The following ZNF641 variants were observed in gnomAD, a reference collection of about 807,000 sequenced individuals.
The protein encoded by ZNF641 is zinc finger protein 641.
In ZNF641, 26 loss-of-function variants were observed where a neutral mutation model predicts 46.2. The observed-to-expected ratio is 0.56, with a 90% CI of 0.41 to 0.78. ZNF641 has a LOEUF of 0.78. Ranked by LOEUF, ZNF641 falls within the 30% of genes least tolerant of loss-of-function variation. ZNF641 has a pLI of 0.00. For synonymous variants in ZNF641, 163 were observed against 187.9 expected (o/e 0.87, Z 1.09); for missense variants, 469 against 517.8 (o/e 0.91, Z 0.91).
rs1246934341 is a variant in ZNF641 at position 48,339,767 on chromosome 12, C to T, written c.*3206G>A. On this transcript the variant is annotated 3_prime_UTR_variant, in exon 6 of 6. Coordinates refer to ENST00000547026, the MANE Select transcript of ZNF641 (RefSeq NM_001172681.2). ...GGAGGAATTTTGTCCCAAATTATCA[C>T]CTCTTTGGTTCTCTGAAGCCATAAC... 4.5e-6 allele frequency: 1 copy of T among 220,858 alleles called. No homozygotes were observed. Among genetic ancestry groups the T allele is most frequent in the African/African-American group, 2.3e-5 (1 of 42,686 alleles). 13.7% of individuals were successfully genotyped at this position (220,858 alleles called of 1,614,324 possible).
chr12:48,348,885 G>A (rs1952954842), intron 1 of ZNF641, among the ~76,000 whole-genome samples: 1 of 152,196 alleles, frequency 6.6e-6, no homozygotes, highest in Non-Finnish European at 1.5e-5. Context: ...AAGAACTGCT[G>A]CTAACATGAC....
At position 48,339,514 on chromosome 12, in the gene ZNF641, T is replaced by C. The variant is rs1456068951; in HGVS notation, c.*3459A>G. 1 of 152,216 alleles carries C rather than the reference T, an allele frequency of 6.6e-6. No individual in the cohort carries two copies. Among genetic ancestry groups the C allele is most frequent in the Non-Finnish European group, 1.5e-5 (1 of 68,056 alleles). The allele number at this position is 152,216 out of a possible 1,614,324, so 9.4% of individuals were successfully genotyped here. A position where few individuals can be genotyped will look rare whatever the true frequency, so the allele number is the denominator to read the frequency against. ...AAATTTTGAGAGCCACAGTTTGGTA[T>C]GGCTCACAAGGGAAAAGAGGAAAAT... On this transcript the variant is annotated 3_prime_UTR_variant, in exon 6 of 6. Transcript: ENST00000547026.
rs571953532 is a variant in ZNF641, at chr12:48,341,030, A to G, written c.*1943T>C. On this transcript the variant is annotated 3_prime_UTR_variant, in exon 6 of 6. Transcript: ENST00000547026. ...TGAAGGAAGAAGGAAGGCTGCTCAC[A>G]GTAGCAGAAGGGAGGCAGGGGCCAA... 1.1e-4 allele frequency: 110 copies of G among 985,542 alleles called. 1 individual carries two copies. The African/African-American group carries it at 1.8e-3, about 16-fold the overall frequency. The allele number at this position is 985,542 out of a possible 1,614,324, so 61.0% of individuals were successfully genotyped here. A position where few individuals can be genotyped will look rare whatever the true frequency, so the allele number is the denominator to read the frequency against.
In ZNF641 at chr12:48,347,095, TCTTATGACCCCTTGGAAA is replaced by T. The variant is rs964123682; in HGVS notation, c.276+139_276+156del. 7 of 1,324,580 alleles carry T rather than the reference TCTTATGACCCCTTGGAAA, an allele frequency of 5.3e-6. No individual in the cohort carries two copies. In the African/African-American group the frequency reaches 1.0e-4, roughly 20 times the overall value. The allele number at this position is 1,324,580 out of a possible 1,614,324, so 82.1% of individuals were successfully genotyped here. A position where few individuals can be genotyped will look rare whatever the true frequency, so the allele number is the denominator to read the frequency against. On this transcript the variant is annotated intron_variant, in intron 3 of 5. Coordinates refer to ENST00000547026, the MANE Select transcript of ZNF641 (RefSeq NM_001172681.2). Reference sequence around the variant, plus strand: ...GTAGGTCCATTTAATTTTCCAAGGGTCTTATGACCCCTTGGAAAGGGATAGAATCTATTCAGTTATAAG... The same window carrying T: ...GTAGGTCCATTTAATTTTCCAAGGGTGGGATAGAATCTATTCAGTTATAAG...
At position 48,340,630 on chromosome 12, in the gene ZNF641, T is replaced by C. The variant is rs1440520138; in HGVS notation, c.*2343A>G. 1 of 985,320 alleles carries C rather than the reference T, an allele frequency of 1.0e-6. No individual in the cohort carries two copies. The highest frequency in any genetic ancestry group is 1.7e-5 in the African/African-American group (1 of 57,246). The allele number at this position is 985,320 out of a possible 1,614,324, so 61.0% of individuals were successfully genotyped here. On this transcript the variant is annotated 3_prime_UTR_variant, in exon 6 of 6. Transcript: ENST00000547026. ...TTTTAGATCGGGGAACTCCCTTTCT[T>C]TGAAGGCAGTTTAGGGATTCCACAG...
Position 48,348,109 on chromosome 12 carries a change from T to C in ZNF641, c.-19A>G, listed in dbSNP as rs368321823. On this transcript the variant is annotated 5_prime_UTR_variant, in exon 2 of 6. Coordinates refer to ENST00000547026, the MANE Select transcript of ZNF641 (RefSeq NM_001172681.2). ...AAAGCATTTCTGCTGCAGACCCAAA[T>C]TGTGACCTGGAACAAATTCATATCA... The C allele has an allele frequency of 1.0e-4, 166 of 1,614,070 alleles. 2 individuals are homozygous for C. The South Asian group carries it at 1.5e-3, about 15-fold the overall frequency.
rs1390047655 is a variant in ZNF641, at chr12:48,341,721, C to T, written c.*1252G>A. 1 of 985,354 alleles carries T rather than the reference C, an allele frequency of 1.0e-6. No individual in the cohort carries two copies. Among genetic ancestry groups the T allele is most frequent in the East Asian group, 1.1e-4 (1 of 8,834 alleles). The allele number at this position is 985,354 out of a possible 1,614,324, so 61.0% of individuals were successfully genotyped here. ...CACTCAATACAAAGTTTCTATGTGC[C>T]TCTTGCCTGAAATCAACAAGAAACA... On this transcript the variant is annotated 3_prime_UTR_variant, in exon 6 of 6. Transcript: ENST00000547026.
Position 48,341,651 on chromosome 12 carries a change from C to T in ZNF641, c.*1322G>A. The T allele has an allele frequency of 4.1e-6, 4 of 985,438 alleles. No individual in the cohort carries two copies. The South Asian group carries it at 1.4e-4, about 35-fold the overall frequency. The allele number at this position is 985,438 out of a possible 1,614,324, so 61.0% of individuals were successfully genotyped here. On this transcript the variant is annotated 3_prime_UTR_variant, in exon 6 of 6. Coordinates refer to ENST00000547026, the MANE Select transcript of ZNF641 (RefSeq NM_001172681.2). The stretch of plus-strand genomic sequence containing the variant: ...ACCAGTGATGGCAACAACTTGCAAA[C>T]ACGTAATTCCTGCCCTAATTTTCCA...
chr12:48,344,560 T>A (rs1237251562), intron 5 of ZNF641, 39 bp downstream of exon 5: 1 of 1,322,782 alleles, frequency 7.6e-7, no homozygotes. Context: ...TGTCCCGAAC[T>A]GTGAAGGAAG....
At chr12:48,347,033 C>T (rs1952890789) in intron 3 of ZNF641, 5 of 870,488 alleles carry the variant, frequency 5.7e-6, no homozygotes, top group South Asian at 4.4e-5. Context: ...CAAAACAAAA[C>T]TCAAAAAAAC....
In ZNF641 at chr12:48,346,193, C is replaced by T. The variant is rs148958317; in HGVS notation, c.277-719G>A. On this transcript the variant is annotated intron_variant, in intron 3 of 5. Coordinates refer to ENST00000547026, the MANE Select transcript of ZNF641 (RefSeq NM_001172681.2). ...TGCTGGGATTACAGGCATGAGCCAC[C>T]GTGCCTGGCCATATCTTTATATTTT... 1.5e-4 allele frequency among the ~76,000 whole-genome samples: 23 copies of T among 152,192 alleles called. No individual in the cohort carries two copies. In the East Asian group the frequency reaches 3.5e-3, roughly 23 times the overall value.
Position 48,343,226 on chromosome 12 carries a change from T to C in ZNF641, c.1022A>G (p.Glu341Gly). 1.2e-6 allele frequency: 2 copies of C among 1,614,258 alleles called. No individual in the cohort carries two copies. The highest frequency in any genetic ancestry group is 1.7e-6 in the Non-Finnish European group (2 of 1,180,042). The change falls in exon 6 of 6, where the codon GAG (glutamate) becomes GGG (glycine). Residue 341 changes from glutamate (E) to glycine (G), a missense_variant. This residue lies in a region of ZNF641 where 346 missense variants were observed against 354.0 expected (regional missense o/e 0.98). Coordinates refer to ENST00000547026, the MANE Select transcript of ZNF641 (RefSeq NM_001172681.2). ...GKSCKGQEVG[E>G]SPGTRKRQRA... Reference sequence around the variant, plus strand: ...CTGCCGTTTCCTTGTGCCAGGGCTCTCTCCAACCTCTTGGCCTTTGCAGGA... The same window carrying C: ...CTGCCGTTTCCTTGTGCCAGGGCTCCCTCCAACCTCTTGGCCTTTGCAGGA...
intron 1 of ZNF641, among the ~76,000 whole-genome samples, chr12:48,348,852 G>T (rs531081921): frequency 1.3e-5 from 2 of 152,292 alleles, no homozygotes; most frequent in South Asian, 4.1e-4. Flanking sequence ...GAAAGAGTTT[G>T]AACCAGAGCT....
rs1219849131 is a variant in ZNF641 at position 48,339,959 on chromosome 12, G to A, written c.*3014C>T. On this transcript the variant is annotated 3_prime_UTR_variant, in exon 6 of 6. Coordinates refer to ENST00000547026, the MANE Select transcript of ZNF641 (RefSeq NM_001172681.2). ...AGGGGAGGATACTCAGAATAGGGTG[G>A]AGGTACCAGATGGAAAAATGTGACA... The A allele has an allele frequency of 1.0e-6, 1 of 985,306 alleles. No homozygotes were observed. Among genetic ancestry groups the A allele is most frequent in the East Asian group, 1.1e-4 (1 of 8,832 alleles). 61.0% of individuals were successfully genotyped at this position (985,306 alleles called of 1,614,324 possible).
At chr12:48,345,319 T>C in intron 4 of ZNF641, 26 bp downstream of exon 4, 1 of 1,612,762 alleles carries the variant, frequency 6.2e-7, no homozygotes, top group East Asian at 2.2e-5. Flanking sequence ...TCCAATCTTC[T>C]AGTGGCTGGA....
In ZNF641 at chr12:48,339,927, G is replaced by A; in HGVS notation, c.*3046C>T. On this transcript the variant is annotated 3_prime_UTR_variant, in exon 6 of 6. Transcript: ENST00000547026. ...GATTCTTTGAAAGATACTATGTTGG[G>A]GTGGAAAGGGGAGGATACTCAGAAT... The A allele has an allele frequency of 1.0e-6, 1 of 985,042 alleles. No individual in the cohort carries two copies. The highest frequency in any genetic ancestry group is 4.7e-5 in the South Asian group (1 of 21,270). 61.0% of individuals were successfully genotyped at this position (985,042 alleles called of 1,614,324 possible).
chr12:48,343,928 A>T (rs1478018304), intron 5 of ZNF641, among the ~76,000 whole-genome samples: 1 of 152,238 alleles, frequency 6.6e-6, no homozygotes, highest in Non-Finnish European at 1.5e-5. Context: ...CAGATTACCT[A>T]AGATGGAATC....
At chr12:48,335,926 C>CT (rs1196652321), downstream of ZNF641, among the ~76,000 whole-genome samples, 1 of 152,206 alleles carries the variant, frequency 6.6e-6, no homozygotes, top group Admixed American at 6.5e-5. Context: ...CTTTGCTTTT[C>CT]TTTTACCTCA....
At position 48,342,373 on chromosome 12, in the gene ZNF641, C is replaced by T; in HGVS notation, c.*600G>A. 3 of 985,702 alleles carry T rather than the reference C, an allele frequency of 3.0e-6. No homozygotes were observed. Among genetic ancestry groups the T allele is most frequent in the Non-Finnish European group, 3.6e-6 (3 of 830,172 alleles). 61.1% of individuals were successfully genotyped at this position (985,702 alleles called of 1,614,324 possible). A position where few individuals can be genotyped will look rare whatever the true frequency, so the allele number is the denominator to read the frequency against. Reference sequence around the variant, plus strand: ...GCTTTCATATGGATAAAAAAGGGGGCTCTGGATGCCTGATCACTATCTCTT... The same window carrying T: ...GCTTTCATATGGATAAAAAAGGGGGTTCTGGATGCCTGATCACTATCTCTT... On this transcript the variant is annotated 3_prime_UTR_variant, in exon 6 of 6. Coordinates refer to ENST00000547026, the MANE Select transcript of ZNF641 (RefSeq NM_001172681.2).
Sources: allele counts gnomAD v4.1 joint callset (sites outside exome capture counted in the v4.1 genomes callset), GRCh38; gene constraint gnomAD v4.1.1; regional missense constraint gnomAD v4.1.1; transcripts MANE v1.5; gene names NCBI Gene and HGNC (gene_info 2026-07-23, HGNC 2026-07-21).